Variants in CEP112 observed in about 807,000 individuals in gnomAD.
The protein encoded by CEP112 is centrosomal protein 112.
CEP112 carries 127 observed loss-of-function variants against 153.0 expected under a neutral mutation model. The observed-to-expected ratio is 0.83, with a 90% CI of 0.72 to 0.96. The LOEUF (loss-of-function observed/expected upper bound fraction) is 0.96. Ranked by LOEUF, CEP112 falls within the 40% of genes least tolerant of loss-of-function variation. The pLI is 0.00. For missense variants in CEP112, 1,089 were observed against 1,101.2 expected (o/e 0.99, Z 0.16); for synonymous variants, 358 against 374.4 (o/e 0.96, Z 0.51).
chr17:66,177,022 T>G lies in CEP112; in HGVS notation c.107-2A>C, dbSNP rs1222257827. 1.3e-6 allele frequency: 2 copies of G among 1,590,734 alleles called. No homozygotes were observed. The highest frequency in any genetic ancestry group is 1.7e-6 in the Non-Finnish European group (2 of 1,172,870). ...TCCAAAGAGCACACCTCTGCCGTTCTATAAATACAGAAGAACTATTAGAAA... is the reference window on the plus strand; with the variant it reads ...TCCAAAGAGCACACCTCTGCCGTTCGATAAATACAGAAGAACTATTAGAAA... On this transcript the variant is annotated splice_acceptor_variant, in intron 2 of 26. Coordinates refer to ENST00000535342, the MANE Select transcript of CEP112 (RefSeq NM_001199165.4). LOFTEE classifies it high-confidence loss of function.
At chr17:66,087,130 T>C (rs2067969508) in intron 8 of CEP112, among the ~76,000 whole-genome samples, 2 of 152,194 alleles carry the variant, frequency 1.3e-5, no homozygotes, top group South Asian at 2.1e-4. Flanking sequence ...AATATTTTTA[T>C]AGTATGCCCA....
chr17:66,038,856 A>T (rs1005771620), intron 12 of CEP112, among the ~76,000 whole-genome samples: 1 of 152,204 alleles, frequency 6.6e-6, no homozygotes, highest in African/African-American at 2.4e-5. Context: ...TGGGAAAATT[A>T]GAAAAAAATG....
chr17:65,652,008 T>C (rs182303547), intron 24 of CEP112, among the ~76,000 whole-genome samples: 1 of 152,356 alleles, frequency 6.6e-6, no homozygotes, highest in Admixed American at 6.5e-5. Context: ...CAGCTGATTA[T>C]GGCCATTCTT....
intron 20 of CEP112, among the ~76,000 whole-genome samples, chr17:65,864,111 A>G (rs1185132164): frequency 6.8e-6 from 1 of 147,780 alleles, no homozygotes; most frequent in Non-Finnish European, 1.5e-5. Flanking sequence ...ACTACACTCC[A>G]GCCTGGGCGA....
intron 17 of CEP112, among the ~76,000 whole-genome samples, chr17:65,968,515 T>C (rs2062497504): frequency 6.6e-6 from 1 of 152,206 alleles, no homozygotes; most frequent in Non-Finnish European, 1.5e-5. Flanking sequence ...TCGCAATAGA[T>C]ATGTCCCACT....
intron 21 of CEP112, among the ~76,000 whole-genome samples, chr17:65,828,235 A>G (rs1325823804): frequency 6.6e-6 from 1 of 152,160 alleles, no homozygotes; most frequent in Non-Finnish European, 1.5e-5. Context: ...TCTTTTCAAA[A>G]TAGTCTCCCT....
At chr17:66,066,943 C>A in intron 9 of CEP112, 66 bp from the exon 10 acceptor site, 1 of 964,708 alleles carries the variant, frequency 1.0e-6, no homozygotes, top group Non-Finnish European at 1.4e-6. Context: ...TTTTTTGAAT[C>A]CTGATATATT....
At chr17:65,724,868 T>C (rs1210015830) in intron 23 of CEP112, among the ~76,000 whole-genome samples, 1 of 152,168 alleles carries the variant, frequency 6.6e-6, no homozygotes, top group African/African-American at 2.4e-5. Context: ...CCTCTTCCAC[T>C]GCACAGCCCC....
At chr17:65,997,493 T>G (rs768278170) in intron 17 of CEP112, among the ~76,000 whole-genome samples, 38 of 152,158 alleles carry the variant, frequency 2.5e-4, no homozygotes, top group Non-Finnish European at 4.4e-4. Flanking sequence ...CTTACTGGCT[T>G]AAGTGATTTG....
At chr17:66,148,485 A>G (rs2071020905) in intron 4 of CEP112, among the ~76,000 whole-genome samples, 1 of 152,178 alleles carries the variant, frequency 6.6e-6, no homozygotes, top group Non-Finnish European at 1.5e-5. Flanking sequence ...CTTCCAATCC[A>G]TGAATACAGG....
intron 20 of CEP112, among the ~76,000 whole-genome samples, chr17:65,880,120 T>C: frequency 6.6e-6 from 1 of 152,226 alleles, no homozygotes; most frequent in East Asian, 1.9e-4. Context: ...AAATATGTTG[T>C]ATATTGTTAC....
chr17:66,012,878 C>A (rs535926894), intron 16 of CEP112, among the ~76,000 whole-genome samples: 2 of 152,200 alleles, frequency 1.3e-5, no homozygotes, highest in East Asian at 3.9e-4. Flanking sequence ...TAGATTTGGT[C>A]TCTTCACATA....
intron 3 of CEP112, among the ~76,000 whole-genome samples, chr17:66,175,870 C>T (rs535687629): frequency 6.6e-6 from 1 of 152,168 alleles, no homozygotes; most frequent in Non-Finnish European, 1.5e-5. Context: ...AAATGTTCTA[C>T]CTTTACACGT....
intron 19 of CEP112, 92 bp downstream of exon 19, chr17:65,927,490 A>G (rs947084740): frequency 2.9e-6 from 2 of 696,820 alleles, no homozygotes; most frequent in Non-Finnish European, 4.9e-6. Flanking sequence ...TAATATTTTC[A>G]TTATGCAGAT....
chr17:65,713,220 CG>C (rs1372891278), intron 23 of CEP112, among the ~76,000 whole-genome samples: 1 of 151,984 alleles, frequency 6.6e-6, no homozygotes, highest in Non-Finnish European at 1.5e-5. Context: ...AGTGGTGGTC[CG>C]GGGGGTTACC....
chr17:65,731,498 A>AAGG (rs2050505351), intron 23 of CEP112, among the ~76,000 whole-genome samples: 1 of 152,136 alleles, frequency 6.6e-6, no homozygotes, highest in Non-Finnish European at 1.5e-5. Flanking sequence ...ATGGCTGCTG[A>AAGG]CTAATAAGGG....
At chr17:66,100,064 A>G (rs1433375097) in intron 6 of CEP112, among the ~76,000 whole-genome samples, 1 of 151,284 alleles carries the variant, frequency 6.6e-6, no homozygotes, top group East Asian at 1.9e-4. Context: ...TAGATTCAGG[A>G]AAAAAAAACA....
At chr17:65,916,310 T>TG (rs1457475819) in intron 19 of CEP112, among the ~76,000 whole-genome samples, 2 of 138,706 alleles carry the variant, frequency 1.4e-5, no homozygotes, top group African/African-American at 5.3e-5. Flanking sequence ...GTAGGAGTAG[T>TG]GGTGGTGGGT....
intron 24 of CEP112, among the ~76,000 whole-genome samples, chr17:65,647,173 GT>G (rs771331024): frequency 8.2e-4 from 104 of 126,570 alleles, no homozygotes; most frequent in South Asian, 3.0e-3. Context: ...CTTGATTCTT[GT>G]TTTTTTTTTT....
Sources: gnomAD v4.1 joint callset for allele counts (sites outside exome capture counted in the v4.1 genomes callset) on GRCh38, gnomAD v4.1.1 for gene constraint, MANE v1.5 for transcripts, NCBI Gene and HGNC (gene_info 2026-07-23, HGNC 2026-07-21) for gene names.